DENND2B: variants seen among roughly 807,000 people sequenced by gnomAD.
DENND2B encodes DENN domain containing 2B, also known as DENN domain-containing protein 2B.
Under a neutral mutation model 116.0 loss-of-function variants are expected in DENND2B, and 32 were observed. The observed-to-expected ratio is 0.28, with a 90% confidence interval of 0.21 to 0.37. DENND2B has a LOEUF of 0.37. DENND2B is among the 10% of genes least tolerant of loss of function. The pLI, the probability that DENND2B is intolerant of heterozygous loss-of-function variation, is 1.00. For synonymous variants in DENND2B, 588 were observed against 583.9 expected (o/e 1.01, Z -0.10); for missense variants, 1,276 against 1,477.7 (o/e 0.86, Z 2.24).
intron 1 of DENND2B, among the ~76,000 whole-genome samples, chr11:8,899,637 G>C (rs2134756279): frequency 6.6e-6 from 1 of 152,240 alleles, no homozygotes; most frequent in African/African-American, 2.4e-5. Context: ...GTGAAATAAA[G>C]ACAGTTGATA....
chr11:8,872,307 T>C (rs772614881), upstream of DENND2B, among the ~76,000 whole-genome samples: 3 of 151,862 alleles, frequency 2.0e-5, no homozygotes, highest in Non-Finnish European at 2.9e-5. Context: ...GCCAACATGG[T>C]GAAACCCCAT....
At chr11:8,895,974 A>G (rs1357039279) in intron 1 of DENND2B, among the ~76,000 whole-genome samples, 1 of 152,096 alleles carries the variant, frequency 6.6e-6, no homozygotes, top group Non-Finnish European at 1.5e-5. Context: ...AAAAATGTGG[A>G]GGGTATGGTA....
At chr11:8,882,187 A>G in intron 1 of DENND2B, among the ~76,000 whole-genome samples, 1 of 152,238 alleles carries the variant, frequency 6.6e-6, no homozygotes, top group East Asian at 1.9e-4. Context: ...AGACACCTCA[A>G]ACTTTACATT....
At chr11:8,743,937 C>CG (rs1018880379) in intron 2 of DENND2B, among the ~76,000 whole-genome samples, 29 of 150,532 alleles carry the variant, frequency 1.9e-4, no homozygotes, top group African/African-American at 5.9e-4. Context: ...GAGATGGGGG[C>CG]GGGGTCTCAC....
intron 1 of DENND2B, chr11:8,774,077 T>C: frequency 3.1e-6 from 3 of 980,526 alleles, no homozygotes; most frequent in Non-Finnish European, 3.6e-6. Flanking sequence ...AACCACGAAG[T>C]GCTGTTGTAC....
chr11:8,868,591 G>T (rs1802081963), intron 2 of DENND2B, among the ~76,000 whole-genome samples: 1 of 152,174 alleles, frequency 6.6e-6, no homozygotes, highest in South Asian at 2.1e-4. Flanking sequence ...GTATCTTTTT[G>T]ATCTTGTCTT....
upstream of DENND2B, among the ~76,000 whole-genome samples, chr11:8,813,666 G>A (rs1035382227): frequency 2.6e-5 from 4 of 152,170 alleles, no homozygotes; most frequent in African/African-American, 9.7e-5. Context: ...GGGGCCAGGG[G>A]TCAGGACTGA....
intron 4 of DENND2B, among the ~76,000 whole-genome samples, chr11:8,819,016 C>A (rs1324479753): frequency 2.0e-5 from 3 of 152,184 alleles, no homozygotes; most frequent in Non-Finnish European, 2.9e-5. Flanking sequence ...CTACTAACCT[C>A]ATTATTACCA....
At chr11:8,815,471 G>A (rs12574180), upstream of DENND2B, among the ~76,000 whole-genome samples, 8,251 of 152,066 alleles carry the variant, frequency 0.054, 276 homozygotes, top group East Asian at 0.12. Flanking sequence ...CCAACCACCC[G>A]ATTACAGGCA....
At chr11:8,901,229 C>CTTTTTT (rs1555223231) in intron 1 of DENND2B, among the ~76,000 whole-genome samples, 37 of 83,932 alleles carry the variant, frequency 4.4e-4, no homozygotes, top group African/African-American at 1.4e-3. Flanking sequence ...CTTTTCTTTT[C>CTTTTTT]TTTTTTTTTT....
At chr11:8,862,433 C>T (rs1409079600) in intron 2 of DENND2B, among the ~76,000 whole-genome samples, 1 of 147,224 alleles carries the variant, frequency 6.8e-6, no homozygotes, top group African/African-American at 2.5e-5. Flanking sequence ...GTGATCACCT[C>T]AGGTGATCCT....
intron 1 of DENND2B, chr11:8,895,476 A>C (rs1430554247): frequency 6.6e-6 from 1 of 152,226 alleles, no homozygotes; most frequent in African/African-American, 2.4e-5. Flanking sequence ...TACTAAATGA[A>C]ATAAGCCAGT....
chr11:8,886,365 G>A (rs1360790996), intron 1 of DENND2B, among the ~76,000 whole-genome samples: 1 of 151,974 alleles, frequency 6.6e-6, no homozygotes, highest in Non-Finnish European at 1.5e-5. Flanking sequence ...CTTACATGAA[G>A]AGCATTCTAA....
intron 3 of DENND2B, among the ~76,000 whole-genome samples, chr11:8,854,696 C>A (rs1390741761): frequency 4.6e-5 from 7 of 151,844 alleles, no homozygotes; most frequent in Middle Eastern, 3.5e-3. Flanking sequence ...GGTAACATGA[C>A]AAGACTCTAT....
intron 1 of DENND2B, among the ~76,000 whole-genome samples, chr11:8,892,797 C>G (rs2064050839): frequency 6.6e-6 from 1 of 152,098 alleles, no homozygotes; most frequent in Non-Finnish European, 1.5e-5. Flanking sequence ...AATGGATTCA[C>G]AGTCGAATTC....
In DENND2B at chr11:8,702,773, C is replaced by T; in HGVS notation, c.2572-53G>A. ...CGGGGCCAGCCAAGTGGGTGCTGCC[C>T]TCTGGCCCTCCACGAAGCAACTGGA... On this transcript the variant is annotated intron_variant, in intron 13 of 19. Coordinates refer to ENST00000313726, the MANE Select transcript of DENND2B (RefSeq NM_213618.2). This position sits in a 1 kb window ranked among gnomAD's most constrained non-coding sequence, Gnocchi z 4.6. 1.9e-6 allele frequency: 3 copies of T among 1,588,416 alleles called. No homozygotes were observed. Among genetic ancestry groups the T allele is most frequent in the Admixed American group, 1.7e-5 (1 of 57,664 alleles).
In DENND2B at chr11:8,712,175, CAG is replaced by C; in HGVS notation, c.2172+374_2172+375del. 2.8e-6 allele frequency: 1 copy of C among 358,684 alleles called. No individual in the cohort carries two copies. Among genetic ancestry groups the C allele is most frequent in the South Asian group, 2.1e-5 (1 of 47,954 alleles). The allele number at this position is 358,684 out of a possible 1,614,324, so 22.2% of individuals were successfully genotyped here. On this transcript the variant is annotated intron_variant, in intron 9 of 19. Coordinates refer to ENST00000313726, the MANE Select transcript of DENND2B (RefSeq NM_213618.2). This position sits in a 1 kb window ranked among gnomAD's most constrained non-coding sequence, Gnocchi z 4.4. ...AGTGCGGAGTGACAGCTAGTGGGTGCAGAGTTTCTCTTTGGGGTGATAAAAAT... is the reference window on the plus strand; with the variant it reads ...AGTGCGGAGTGACAGCTAGTGGGTGCAGTTTCTCTTTGGGGTGATAAAAAT...
intron 13 of DENND2B, among the ~76,000 whole-genome samples, chr11:8,704,797 A>C (rs2042313314): frequency 6.6e-6 from 1 of 152,156 alleles, no homozygotes; most frequent in African/African-American, 2.4e-5. Context: ...TCCCGAGTTC[A>C]AGAGATTCTC....
At chr11:8,871,057 G>A (rs2063766765) in exon 2 of DENND2B, 2 of 152,224 alleles carry the variant, frequency 1.3e-5, no homozygotes, top group Non-Finnish European at 1.5e-5. Flanking sequence ...GCGGGCGGCG[G>A]GCAGGCATCC....
Sources: gnomAD v4.1 joint callset for allele counts (sites outside exome capture counted in the v4.1 genomes callset) on GRCh38, gnomAD v4.1.1 for gene constraint, Gnocchi (gnomAD v3.1) non-coding constraint, MANE v1.5 for transcripts, NCBI Gene and HGNC (gene_info 2026-07-23, HGNC 2026-07-21) for gene names.